The following PRDM2 variants were observed in gnomAD, a reference collection of about 807,000 sequenced individuals.
The protein encoded by PRDM2 is PR domain zinc finger protein 2.
Under a neutral mutation model 130.0 loss-of-function variants are expected in PRDM2, and 30 were observed. The observed-to-expected ratio is 0.23, with a 90% CI of 0.17 to 0.31. PRDM2 has a LOEUF of 0.31. Ranked by LOEUF, PRDM2 falls within the 10% of genes least tolerant of loss-of-function variation. The probability of loss-of-function intolerance (pLI) is 1.00; values close to 1 mark genes in which losing one functional copy is unlikely to be tolerated. For synonymous variants in PRDM2, 871 were observed against 782.4 expected (o/e 1.11, Z -1.89); for missense variants, 2,011 against 2,108.4 (o/e 0.95, Z 0.90).
intron 2 of PRDM2, among the ~76,000 whole-genome samples, chr1:13,716,569 G>A (rs2100419574): frequency 6.6e-6 from 1 of 152,246 alleles, no homozygotes; most frequent in African/African-American, 2.4e-5. Context: ...AAACAAGAGG[G>A]CAAATATTGA....
In PRDM2 at chr1:13,803,154, A is replaced by C. The variant is rs1645034759; in HGVS notation, c.5037-13273A>C. Among the ~76,000 whole-genome samples, 1 of 152,202 alleles carries C rather than the reference A, an allele frequency of 6.6e-6. No individual in the cohort carries two copies. Among genetic ancestry groups the C allele is most frequent in the African/African-American group, 2.4e-5 (1 of 41,456 alleles). On this transcript the variant is annotated intron_variant, in intron 8 of 9. Coordinates refer to ENST00000311066, the MANE Select transcript of PRDM2 (RefSeq NM_001393986.1). This position sits in a 1 kb window ranked among gnomAD's most constrained non-coding sequence, Gnocchi z 6.2. ...GTTAGGTTCACAGAACTGTCGTAAA[A>C]ATGGGGACCTTGTCCCCTGGTTTGG... is the stretch of plus-strand genomic sequence containing the variant.
chr1:13,772,483 TC>T (rs1335842875), intron 6 of PRDM2, among the ~76,000 whole-genome samples: 2 of 152,226 alleles, frequency 1.3e-5, no homozygotes, highest in Non-Finnish European at 2.9e-5. Flanking sequence ...TACAGTCAGA[TC>T]CCTTAGGGCT....
rs1429385855 is a variant in PRDM2 at position 13,780,667 on chromosome 1, T to G, written c.2872T>G (p.Ser958Ala). 1 of 1,611,648 alleles carries G rather than the reference T, an allele frequency of 6.2e-7. No homozygotes were observed. Among genetic ancestry groups the G allele is most frequent in the Non-Finnish European group, 8.5e-7 (1 of 1,178,638 alleles). Reference sequence around the variant, plus strand: ...TGCCCTGCAGACACCCTCCCTTTCATCCGGTCAGCTGCCTCCTCTCTTGAT... The same window carrying G: ...TGCCCTGCAGACACCCTCCCTTTCAGCCGGTCAGCTGCCTCCTCTCTTGAT... ...SPALQTPSLSSGQLPPLLIPT... is the reference protein window; with the variant it reads ...SPALQTPSLSAGQLPPLLIPT... The change falls in exon 8 of 10, where the codon TCC becomes GCC. Residue 958 changes from serine (S) to alanine (A), a missense_variant. Physicochemically the swap from Ser to Ala is moderately conservative, Grantham distance 99. This residue lies in a region of PRDM2 where 1,288 missense variants were observed against 1,237.7 expected (regional missense o/e 1.04). Transcript: ENST00000311066.
chr1:13,757,322 A>G lies in PRDM2; in HGVS notation c.511+7835A>G, dbSNP rs548361605. Among the ~76,000 whole-genome samples, 8 of 152,326 alleles carry G rather than the reference A, an allele frequency of 5.3e-5. No individual in the cohort carries two copies. In the South Asian group the frequency reaches 1.7e-3, roughly 32 times the overall value. ...ACATATTTGTTGGTTTAAGTTTCTAATGAATATTTTCTTTCTCTTAGGTTT... is the reference window on the plus strand; with the variant it reads ...ACATATTTGTTGGTTTAAGTTTCTAGTGAATATTTTCTTTCTCTTAGGTTT... On this transcript the variant is annotated intron_variant, in intron 6 of 9. Coordinates refer to ENST00000311066, the MANE Select transcript of PRDM2 (RefSeq NM_001393986.1).
At chr1:13,822,117 G>A (rs901571530) in intron 9 of PRDM2, among the ~76,000 whole-genome samples, 19 of 152,214 alleles carry the variant, frequency 1.2e-4, no homozygotes, top group Admixed American at 8.5e-4. Flanking sequence ...GAACATGTGG[G>A]TACCTCAGGA....
intron 8 of PRDM2, among the ~76,000 whole-genome samples, chr1:13,798,848 T>A (rs1644962622): frequency 6.6e-6 from 1 of 152,164 alleles, no homozygotes; most frequent in South Asian, 2.1e-4. Context: ...TTTTCTGACT[T>A]TTGCTCAAAA....
intron 7 of PRDM2, among the ~76,000 whole-genome samples, chr1:13,774,066 C>T (rs1644417805): frequency 1.3e-5 from 2 of 152,174 alleles, no homozygotes; most frequent in South Asian, 4.1e-4. Flanking sequence ...TATTTTGTCT[C>T]TTCGTGTTTG....
chr1:13,793,038 GT>G (rs1437571046), intron 8 of PRDM2, among the ~76,000 whole-genome samples: 1 of 152,224 alleles, frequency 6.6e-6, no homozygotes, highest in Non-Finnish European at 1.5e-5. Context: ...CATAACTGTT[GT>G]GTCCCCCAAA....
intron 1 of PRDM2, among the ~76,000 whole-genome samples, chr1:13,703,871 G>C (rs1226496566): frequency 3.3e-5 from 5 of 152,206 alleles, no homozygotes; most frequent in African/African-American, 4.8e-5. Flanking sequence ...CAACCAATTT[G>C]AGGTTATGCA....
At chr1:13,786,690 G>T (rs1254695807) in intron 8 of PRDM2, 1 of 1,484,900 alleles carries the variant, frequency 6.7e-7, no homozygotes, top group Non-Finnish European at 8.9e-7. Context: ...CAGGCTTAGA[G>T]TCAGGCATCT....
chr1:13,749,242 G>C, intron 5 of PRDM2, 119 bp from the exon 6 acceptor site: 1 of 977,436 alleles, frequency 1.0e-6, no homozygotes, highest in South Asian at 4.2e-5. Context: ...GGTGCGCGCG[G>C]CGCCGCCGAC....
intron 6 of PRDM2, among the ~76,000 whole-genome samples, chr1:13,760,903 C>T (rs1644082111): frequency 6.6e-6 from 1 of 151,908 alleles, no homozygotes; most frequent in Non-Finnish European, 1.5e-5. Flanking sequence ...AACAAGTTCT[C>T]TTAAAATCCA....
Position 13,779,954 on chromosome 1 carries a change from C to T in PRDM2, c.2159C>T (p.Ser720Phe). Residue 720 changes from serine to phenylalanine, a missense_variant, in exon 8 of 10, where the codon TCT (serine) becomes TTT (phenylalanine). Physicochemically the swap from Ser to Phe is radical, Grantham distance 155. Transcript: ENST00000311066. This position sits in a 1 kb window ranked among gnomAD's most constrained non-coding sequence, Gnocchi z 4.9. ...GCTAAATTAGGTCCTGTTTGTGTGT[C>T]TGCTCCTGCATCAATGTTGCCTGTG... Reference protein sequence around the residue: ...EIAKLGPVCVSAPASMLPVTS... With the variant: ...EIAKLGPVCVFAPASMLPVTS... The T allele has an allele frequency of 9.3e-6, 15 of 1,614,196 alleles. No homozygotes were observed. The highest frequency in any genetic ancestry group is 1.3e-5 in the Non-Finnish European group (15 of 1,180,034).
At chr1:13,721,300 T>C (rs1252284981) in intron 2 of PRDM2, among the ~76,000 whole-genome samples, 2 of 152,206 alleles carry the variant, frequency 1.3e-5, no homozygotes, top group Non-Finnish European at 2.9e-5. Context: ...GATGGCTTTC[T>C]ATCTTTCATC....
Position 13,749,395 on chromosome 1 carries a change from A to G in PRDM2, c.419A>G (p.Tyr140Cys). ...IAPGEELLVW[Y>C]NGEDNPEIAA... ...CCGGGCGAGGAGCTCCTGGTCTGGT[A>G]CAATGGGGAAGACAACCCTGAGATA... The change falls in exon 6 of 10, where the codon TAC becomes TGC. Residue 140 changes from tyrosine (Y) to cysteine (C), a missense_variant. Tyr to Cys is a radical substitution (Grantham distance 194, BLOSUM62 -2). Around this residue, in one of 5 missense-constraint regions of PRDM2, gnomAD observed 1,288 missense variants for 1,237.7 expected, o/e 1.04. Transcript: ENST00000311066. The G allele has an allele frequency of 6.7e-7, 1 of 1,501,522 alleles. No homozygotes were observed. The highest frequency in any genetic ancestry group is 9.0e-7 in the Non-Finnish European group (1 of 1,111,148). The allele number at this position is 1,501,522 out of a possible 1,614,324, so 93.0% of individuals were successfully genotyped here.
intron 5 of PRDM2, among the ~76,000 whole-genome samples, chr1:13,745,874 C>CGAG (rs1643588744): frequency 6.6e-6 from 1 of 151,356 alleles, no homozygotes; most frequent in Non-Finnish European, 1.5e-5. Flanking sequence ...GAGTTGAGGC[C>CGAG]GAGATCTGAC....
chr1:13,744,957 G>A (rs891994251), intron 5 of PRDM2, among the ~76,000 whole-genome samples: 3 of 152,172 alleles, frequency 2.0e-5, no homozygotes, highest in Non-Finnish European at 4.4e-5. Flanking sequence ...AGATAATTGG[G>A]AAATCTCAAC....
intron 8 of PRDM2, among the ~76,000 whole-genome samples, chr1:13,800,928 A>G (rs1034561715): frequency 1.3e-5 from 2 of 152,196 alleles, no homozygotes; most frequent in Non-Finnish European, 2.9e-5. Flanking sequence ...GGCCCGTTTC[A>G]TAAAGGAAAC....
At position 13,806,476 on chromosome 1, in the gene PRDM2, T is replaced by A. The variant is rs1645088203; in HGVS notation, c.5037-9951T>A. 6.6e-6 allele frequency among the ~76,000 whole-genome samples: 1 copy of A among 152,210 alleles called. No individual in the cohort carries two copies. The highest frequency in any genetic ancestry group is 2.1e-4 in the South Asian group (1 of 4,830). ...TTTCCAAAATGAAACTGTCTCTCCA[T>A]GAAGCCTCCCTCTCCTGCTGTCCTC... is the stretch of plus-strand genomic sequence containing the variant. On this transcript the variant is annotated intron_variant, in intron 8 of 9. Coordinates refer to ENST00000311066, the MANE Select transcript of PRDM2 (RefSeq NM_001393986.1). The surrounding 1 kb of genome is among the most constrained non-coding windows in gnomAD (Gnocchi z 4.1).
Sources: allele counts gnomAD v4.1 joint callset (sites outside exome capture counted in the v4.1 genomes callset), GRCh38; gene constraint gnomAD v4.1.1; regional missense constraint gnomAD v4.1.1; non-coding constraint Gnocchi (gnomAD v3.1); transcripts MANE v1.5; gene names NCBI Gene and HGNC (gene_info 2026-07-23, HGNC 2026-07-21).